LINGO1: variants seen among roughly 807,000 people sequenced by gnomAD.
LINGO1 encodes the protein leucine rich repeat and Ig domain containing 1.
LINGO1 carries 11 observed loss-of-function variants against 37.3 expected under a neutral mutation model. The observed-to-expected ratio is 0.29, with a 90% CI of 0.19 to 0.49. The LOEUF is 0.49. LINGO1 is among the 20% of genes least tolerant of loss of function. The pLI is 0.99. For synonymous variants in LINGO1, 387 were observed against 403.0 expected, an observed-to-expected ratio of 0.96 and a Z score of 0.48; for missense variants, 585 against 878.2, an observed-to-expected ratio of 0.67 and a Z score of 4.22.
At chr15:77,802,738 C>T (rs2076929884) in intron 1 of LINGO1, among the ~76,000 whole-genome samples, 1 of 152,184 alleles carries the variant, frequency 6.6e-6, no homozygotes, top group South Asian at 2.1e-4. Context: ...TGAGCCGCAA[C>T]TAACACAACT....
At chr15:77,686,342 T>G (rs917798411) in intron 2 of LINGO1, among the ~76,000 whole-genome samples, 1 of 152,162 alleles carries the variant, frequency 6.6e-6, no homozygotes, top group Non-Finnish European at 1.5e-5. Flanking sequence ...GCTCAGGCTA[T>G]GTTCACTCAG....
chr15:77,813,492 C>T (rs949147887), intron 1 of LINGO1, among the ~76,000 whole-genome samples: 1 of 152,088 alleles, frequency 6.6e-6, no homozygotes, highest in Non-Finnish European at 1.5e-5. Flanking sequence ...TGGGTGAGAG[C>T]ATGACAGCCA....
At chr15:77,682,277 A>AGTGTGT (rs10581838) in intron 2 of LINGO1, among the ~76,000 whole-genome samples, 2,431 of 139,888 alleles carry the variant, frequency 0.017, 59 homozygotes, top group African/African-American at 0.057. Context: ...TAGAGATTAA[A>AGTGTGT]GTGTGTGTGT....
rs1785934628 is a variant in LINGO1, at chr15:77,615,568, G to A, written c.339C>T (p.Gly113=). Residue 113 remains glycine, a synonymous_variant, in exon 2 of 2, where the codon GGC becomes GGT. Transcript: ENST00000355300. ...GGAGGTTGAAGAGGTTGTTGAAGGCGCCGGGCTCCACGGCGCTCACGATGT... is the reference window on the plus strand; with the variant it reads ...GGAGGTTGAAGAGGTTGTTGAAGGCACCGGGCTCCACGGCGCTCACGATGT... ...NENIVSAVEP[G]AFNNLFNLRT... 7.4e-6 allele frequency: 12 copies of A among 1,612,186 alleles called. No homozygotes were observed. The highest frequency in any genetic ancestry group is 2.2e-5 in the South Asian group (2 of 90,888).
At chr15:77,771,778 C>A (rs1374478982) in intron 1 of LINGO1, among the ~76,000 whole-genome samples, 1 of 152,112 alleles carries the variant, frequency 6.6e-6, no homozygotes, top group East Asian at 1.9e-4. Context: ...TTGTGGGCAA[C>A]TCCACAGGGG....
intron 1 of LINGO1, among the ~76,000 whole-genome samples, chr15:77,769,928 C>T (rs1466608406): frequency 1.3e-5 from 2 of 152,190 alleles, no homozygotes; most frequent in Admixed American, 6.5e-5. Context: ...GAAACCGAGA[C>T]TCAGTGTGGT....
chr15:77,705,795 T>C (rs2075845270), intron 2 of LINGO1, among the ~76,000 whole-genome samples: 1 of 152,186 alleles, frequency 6.6e-6, no homozygotes, highest in African/African-American at 2.4e-5. Flanking sequence ...GGGCTGTGTG[T>C]CCTAGGGGAG....
chr15:77,644,549 G>A (rs1450029806), intron 3 of LINGO1, among the ~76,000 whole-genome samples: 1 of 152,212 alleles, frequency 6.6e-6, no homozygotes, highest in Non-Finnish European at 1.5e-5. Flanking sequence ...GGAGGTGCTA[G>A]CAATACCAGG....
intron 2 of LINGO1, among the ~76,000 whole-genome samples, chr15:77,703,232 C>T (rs1195347133): frequency 1.3e-5 from 2 of 152,164 alleles, no homozygotes; most frequent in African/African-American, 4.8e-5. Flanking sequence ...GGACCAGTTC[C>T]CCCATGAAAT....
intron 2 of LINGO1, among the ~76,000 whole-genome samples, chr15:77,714,752 T>C (rs1457729044): frequency 6.6e-6 from 1 of 152,246 alleles, no homozygotes; most frequent in Non-Finnish European, 1.5e-5. Flanking sequence ...CCTCCCGCGA[T>C]AAGCCTGGCT....
At chr15:77,682,427 T>C (rs534932049) in intron 2 of LINGO1, among the ~76,000 whole-genome samples, 4 of 152,126 alleles carry the variant, frequency 2.6e-5, no homozygotes, top group African/African-American at 7.2e-5. Flanking sequence ...CATGTACATA[T>C]GTGTGCACGT....
At chr15:77,765,527 T>G (rs1048829301) in intron 1 of LINGO1, among the ~76,000 whole-genome samples, 8 of 151,920 alleles carry the variant, frequency 5.3e-5, no homozygotes, top group African/African-American at 1.7e-4. Flanking sequence ...GACACAGGAA[T>G]GAAAGACTGC....
chr15:77,721,370 C>T (rs1317283938), intron 2 of LINGO1, among the ~76,000 whole-genome samples: 9 of 152,080 alleles, frequency 5.9e-5, no homozygotes, highest in Non-Finnish European at 1.0e-4. Context: ...CCCACCCTCT[C>T]GGCTCACACA....
At chr15:77,769,384 C>T (rs2076561332) in intron 1 of LINGO1, among the ~76,000 whole-genome samples, 1 of 152,096 alleles carries the variant, frequency 6.6e-6, no homozygotes, top group South Asian at 2.1e-4. Flanking sequence ...TGCCAAGGTC[C>T]CCCCCCAGCC....
chr15:77,614,091 T>A lies in LINGO1; in HGVS notation c.1816A>T (p.Ile606Phe). 6.2e-7 allele frequency: 1 copy of A among 1,613,472 alleles called. No homozygotes were observed. The highest frequency in any genetic ancestry group is 8.5e-7 in the Non-Finnish European group (1 of 1,179,646). ...TTGCGGGGCGCGTCGGCGGAGCTGATGCCTGCGTCCGACTTTCGGGGCACA... is the reference window on the plus strand; with the variant it reads ...TTGCGGGGCGCGTCGGCGGAGCTGAAGCCTGCGTCCGACTTTCGGGGCACA... Reference protein sequence around the residue: ...EYVPRKSDAGISSADAPRKFN... With the variant: ...EYVPRKSDAGFSSADAPRKFN... The change falls in exon 2 of 2, where the codon ATC becomes TTC. Residue 606 changes from isoleucine (I) to phenylalanine (F), a missense_variant. Physicochemically the swap from Ile to Phe is conservative, Grantham distance 21 (BLOSUM62 0). Transcript: ENST00000355300.
At chr15:77,812,192 T>C (rs1187096753) in intron 1 of LINGO1, among the ~76,000 whole-genome samples, 1 of 152,222 alleles carries the variant, frequency 6.6e-6, no homozygotes, top group Non-Finnish European at 1.5e-5. Flanking sequence ...ACTGCTGTCT[T>C]GTGACCACAC....
chr15:77,738,426 T>G (rs896544135), intron 1 of LINGO1, among the ~76,000 whole-genome samples: 1 of 151,974 alleles, frequency 6.6e-6, no homozygotes, highest in African/African-American at 2.4e-5. Flanking sequence ...AGTCTCAGGG[T>G]TTTTGCCCTC....
chr15:77,675,607 C>T (rs183227496), intron 3 of LINGO1, among the ~76,000 whole-genome samples: 4 of 152,102 alleles, frequency 2.6e-5, no homozygotes, highest in East Asian at 1.9e-4. Context: ...ACATATCAAA[C>T]GAGTTATCCG....
upstream of LINGO1, among the ~76,000 whole-genome samples, chr15:77,635,501 T>C (rs1175267918): frequency 6.6e-6 from 1 of 152,146 alleles, no homozygotes; most frequent in Non-Finnish European, 1.5e-5. Flanking sequence ...CAGAGTCCTC[T>C]CAGGGGTCCC....
Sources: allele counts gnomAD v4.1 joint callset (sites outside exome capture counted in the v4.1 genomes callset), GRCh38; gene constraint gnomAD v4.1.1; transcripts MANE v1.5; gene names NCBI Gene and HGNC (gene_info 2026-07-23, HGNC 2026-07-21).